MYO15B: variants seen among roughly 807,000 people sequenced by gnomAD.
MYO15B encodes the protein myosin XVB pseudogene.
Under a neutral mutation model 119.3 loss-of-function variants are expected in MYO15B, and 207 were observed. That is an observed-to-expected ratio of 1.73 (90% confidence interval 1.55 to 1.95). The LOEUF is 1.95. MYO15B is among the 30% of genes most tolerant of loss of function. MYO15B has a pLI of 0.00. For synonymous variants in MYO15B, 966 were observed against 498.9 expected (o/e 1.94, Z -12.48); for missense variants, 2,264 against 1,203.1 (o/e 1.88, Z -13.04).
rs1418908111 is a variant in MYO15B, at chr17:75,616,860, G to A, written c.6507-14G>A. On this transcript the variant is annotated splice_polypyrimidine_tract_variant and intron_variant, in intron 39 of 63. Transcript: ENST00000645453. ...CACCCTATGAACTTAGTGACCTCTT[G>A]CTTCTCCCACGAGGCCTCCCAAAGC... 4.3e-6 allele frequency: 3 copies of A among 702,942 alleles called. No individual in the cohort carries two copies. The highest frequency in any genetic ancestry group is 7.8e-6 in the Non-Finnish European group (3 of 385,034). The allele number at this position is 702,942 out of a possible 1,614,324, so 43.5% of individuals were successfully genotyped here. A position where few individuals can be genotyped will look rare whatever the true frequency, so the allele number is the denominator to read the frequency against.
intron 44 of MYO15B, 51 bp from the exon 45 acceptor site, chr17:75,619,307 A>C: frequency 1.4e-6 from 1 of 702,372 alleles, no homozygotes; most frequent in Non-Finnish European, 2.6e-6. Context: ...AGCAAACTCT[A>C]GAGCCCCCTC....
chr17:75,610,100 C>T (rs2147952236), intron 21 of MYO15B, 66 bp from the exon 22 acceptor site: 1 of 622,308 alleles, frequency 1.6e-6, no homozygotes, highest in East Asian at 2.8e-5. Context: ...TTAAGGGATT[C>T]CAGTGCCAGG....
At chr17:75,594,425 T>C in intron 9 of MYO15B, 50 bp from the exon 10 acceptor site, 3 of 567,358 alleles carry the variant, frequency 5.3e-6, no homozygotes, top group Non-Finnish European at 9.4e-6. Flanking sequence ...GCCTGGGGAG[T>C]GTGTCCATTC....
At chr17:75,591,058 G>T in intron 3 of MYO15B, 42 bp downstream of exon 3, 1 of 668,734 alleles carries the variant, frequency 1.5e-6, no homozygotes, top group Admixed American at 2.1e-5. Context: ...CACCTCCCAG[G>T]CAGCCCAGTC....
At position 75,602,170 on chromosome 17, in the gene MYO15B, C is replaced by CA. The variant is rs1250234823; in HGVS notation, c.3652-341dup. 4.4e-5 allele frequency: 16 copies of CA among 364,102 alleles called. No individual in the cohort carries two copies. In the Admixed American group the frequency reaches 6.5e-4, roughly 15 times the overall value. 22.6% of individuals were successfully genotyped at this position (364,102 alleles called of 1,614,324 possible). On this transcript the variant is annotated intron_variant, in intron 15 of 63. Coordinates refer to ENST00000645453, the Ensembl canonical transcript of MYO15B. ...CTACAAACTACCCAGGAGTTGCCCCCAAAAAAGAAATACAAGGAGTTCAAG... is the reference window on the plus strand; with the variant it reads ...CTACAAACTACCCAGGAGTTGCCCCCAAAAAAAGAAATACAAGGAGTTCAAG...
At chr17:75,622,107 C>T (rs1298054891) in intron 53 of MYO15B, 27 bp downstream of exon 53, 10 of 702,268 alleles carry the variant, frequency 1.4e-5, no homozygotes, top group Admixed American at 4.0e-5. Flanking sequence ...CGACCCCCAG[C>T]GCCTGTGCCT....
rs1461079818 is a variant in MYO15B, at chr17:75,625,665, G to A, written c.8938+5G>A. On this transcript the variant is annotated splice_donor_5th_base_variant and intron_variant, in intron 61 of 63. Transcript: ENST00000645453. Reference sequence around the variant, plus strand: ...AAGCACAGATCAGCTTCATTGGTGGGTCTGGGACTAGGGGACCGCTGGGTG... The same window carrying A: ...AAGCACAGATCAGCTTCATTGGTGGATCTGGGACTAGGGGACCGCTGGGTG... 1.4e-6 allele frequency: 1 copy of A among 702,970 alleles called. No homozygotes were observed. Among genetic ancestry groups the A allele is most frequent in the South Asian group, 1.5e-5 (1 of 67,590 alleles). The allele number at this position is 702,970 out of a possible 1,614,324, so 43.5% of individuals were successfully genotyped here.
At chr17:75,602,525 G>A in exon 16 of MYO15B, 1 of 702,218 alleles carries the variant, frequency 1.4e-6, no homozygotes, top group South Asian at 1.5e-5. Flanking sequence ...AGGTTCACAA[G>A]TTTTTAAACA....
At chr17:75,590,288 C>A (rs2056351478) in intron 1 of MYO15B, 45 bp downstream of exon 1, 2 of 399,058 alleles carry the variant, frequency 5.0e-6, no homozygotes, top group Non-Finnish European at 8.8e-6. Context: ...GCTCACAGCT[C>A]CTCATATCCA....
intron 19 of MYO15B, among the ~76,000 whole-genome samples, chr17:75,604,101 AG>A (rs1311539680): frequency 1.3e-5 from 2 of 152,172 alleles, no homozygotes; most frequent in Admixed American, 6.5e-5. Context: ...GGCAGGCAGT[AG>A]GGATGGGTGT....
At chr17:75,626,374 G>C (rs188262515) in intron 63 of MYO15B, 33 bp from the exon 64 acceptor site, 1 of 702,876 alleles carries the variant, frequency 1.4e-6, no homozygotes, top group Admixed American at 2.0e-5. Flanking sequence ...GCTGGCTGGG[G>C]AGCCCTCTTG....
chr17:75,606,853 C>T, intron 21 of MYO15B: 1 of 397,268 alleles, frequency 2.5e-6, no homozygotes, highest in Non-Finnish European at 4.4e-6. Context: ...GACTTTTACC[C>T]TGCAGTGACT....
intron 60 of MYO15B, 83 bp downstream of exon 60, chr17:75,625,321 A>T: frequency 1.6e-6 from 1 of 644,402 alleles, no homozygotes; most frequent in Non-Finnish European, 2.8e-6. Context: ...CCTGGCCCTA[A>T]ATGGACTGGC....
rs931250500 is a variant in MYO15B at position 75,613,894 on chromosome 17, G to T, written c.5219+117G>T. On this transcript the variant is annotated intron_variant, in intron 29 of 63. Transcript: ENST00000645453. ...GGAGAGGTGCCCCGGGGTGGGCAGG[G>T]GCCAGACTGCAGATGGCGATGGGGA... 16 of 609,038 alleles carry T rather than the reference G, an allele frequency of 2.6e-5. No homozygotes were observed. In the African/African-American group the frequency reaches 3.0e-4, roughly 11 times the overall value. The allele number at this position is 609,038 out of a possible 1,614,324, so 37.7% of individuals were successfully genotyped here.
At chr17:75,609,694 TCCTC>T (rs562510794) in intron 21 of MYO15B, among the ~76,000 whole-genome samples, 10,810 of 142,268 alleles carry the variant, frequency 0.076, 1,240 homozygotes, top group African/African-American at 0.25. Flanking sequence ...CTTCCTTCCT[TCCTC>T]CCTCCCTCCC....
chr17:75,617,583 C>CGACAGCTT, intron 41 of MYO15B: 1 of 580,838 alleles, frequency 1.7e-6, no homozygotes, highest in Non-Finnish European at 3.1e-6. Context: ...GTTAGTGGCC[C>CGACAGCTT]TGGCTGACAT....
intron 12 of MYO15B, among the ~76,000 whole-genome samples, chr17:75,595,749 T>A (rs2056815970): frequency 1.3e-5 from 2 of 151,878 alleles, no homozygotes; most frequent in African/African-American, 4.8e-5. Flanking sequence ...TAGCCCCACT[T>A]CCCCCACGTC....
At chr17:75,613,385 C>T (rs1452965182) in exon 28 of MYO15B, 3 of 670,286 alleles carry the variant, frequency 4.5e-6, no homozygotes, top group South Asian at 1.6e-5. Flanking sequence ...GCCTCGGGGG[C>T]CACTCGGGCC....
rs994427867 is a variant in MYO15B, at chr17:75,589,803, G to T, written c.1746G>T (p.Val582=). 11 of 398,382 alleles carry T rather than the reference G, an allele frequency of 2.8e-5. No individual in the cohort carries two copies. The highest frequency in any genetic ancestry group is 1.3e-4 in the South Asian group (1 of 7,856). 24.7% of individuals were successfully genotyped at this position (398,382 alleles called of 1,614,324 possible). A position where few individuals can be genotyped will look rare whatever the true frequency, so the allele number is the denominator to read the frequency against. The stretch of plus-strand genomic sequence containing the variant: ...GCCGAGGTTGGCCTCGTGCAGGGGT[G>T]GGGGGGCACAGTGAGGGGTGCAGGA... Residue 582 remains valine, a synonymous_variant, in exon 1 of 64, where the codon GTG becomes GTT. Transcript: ENST00000645453. The surrounding 1 kb of genome is among the most constrained non-coding windows in gnomAD (Gnocchi z 4.2).
Sources: allele counts gnomAD v4.1 joint callset (sites outside exome capture counted in the v4.1 genomes callset), GRCh38; gene constraint gnomAD v4.1.1; non-coding constraint Gnocchi (gnomAD v3.1); transcripts MANE v1.5; gene names NCBI Gene and HGNC (gene_info 2026-07-23, HGNC 2026-07-21).